The following DMD variants were observed in gnomAD, a reference collection of about 807,000 sequenced individuals.
The protein encoded by DMD is mutant dystrophin.
Under a neutral mutation model 330.1 loss-of-function variants are expected in DMD, and 63 were observed. The ratio of observed to expected loss-of-function variants is 0.19; its 90% CI spans 0.16 to 0.24. The LOEUF (loss-of-function observed/expected upper bound fraction) is 0.24, where lower values mean the gene tolerates loss of function less well. Ranked by LOEUF, DMD falls within the 10% of genes least tolerant of loss-of-function variation. The pLI is 1.00. For missense variants in DMD, 3,344 were observed against 2,684.1 expected (o/e 1.25, Z -5.43); for synonymous variants, 1,223 against 959.8 (o/e 1.27, Z -5.07).
At chrX:33,030,373 A>G (rs1353022816) in intron 1 of DMD, among the ~76,000 whole-genome samples, 2 of 112,118 alleles carry the variant, frequency 1.8e-5, no homozygotes, top group African/African-American at 6.5e-5. Context: ...CACATAAATT[A>G]TACCTCCTCA....
intron 45 of DMD, among the ~76,000 whole-genome samples, chrX:31,940,749 C>A (rs910161560): frequency 5.2e-4 from 57 of 109,181 alleles, no homozygotes; most frequent in Non-Finnish European, 1.0e-3. Context: ...AGGGAGGAGG[C>A]CATGCAAATA....
chrX:31,571,413 C>CTATTA (rs1569552103), intron 55 of DMD, among the ~76,000 whole-genome samples: 1 of 108,801 alleles, frequency 9.2e-6, no homozygotes, highest in Non-Finnish European at 1.9e-5. Flanking sequence ...TATTAATCTT[C>CTATTA]TAACATTACC....
At chrX:32,703,154 T>C (rs1262302981) in intron 7 of DMD, among the ~76,000 whole-genome samples, 1 of 111,473 alleles carries the variant, frequency 9.0e-6, no homozygotes, top group Non-Finnish European at 1.9e-5. Flanking sequence ...TCTAAAGCTA[T>C]CATCATCCTA....
intron 52 of DMD, among the ~76,000 whole-genome samples, chrX:31,689,293 G>A (rs1471813140): frequency 1.8e-5 from 2 of 112,062 alleles, no homozygotes; most frequent in African/African-American, 6.5e-5. Context: ...AAATCAATGT[G>A]CAAAAATCAC....
chrX:32,116,733 G>A (rs1216714513), intron 44 of DMD, among the ~76,000 whole-genome samples: 1 of 112,368 alleles, frequency 8.9e-6, no homozygotes, highest in Non-Finnish European at 1.9e-5. Flanking sequence ...CACCAGAGAT[G>A]AGAAGTTGTC....
At chrX:31,581,874 C>A (rs752580500) in intron 55 of DMD, among the ~76,000 whole-genome samples, 2 of 111,619 alleles carry the variant, frequency 1.8e-5, no homozygotes, top group East Asian at 2.8e-4. Flanking sequence ...AAATTTCTTT[C>A]GACTTTGCTG....
rs777747788 is a variant in DMD at position 31,849,398 on chromosome X, A to G, written c.7099-12579T>C. Among the ~76,000 whole-genome samples the G allele has an allele frequency of 2.7e-5, 3 of 110,983 alleles. No homozygotes were observed. In the South Asian group the frequency reaches 1.1e-3, roughly 42 times the overall value. On this transcript the variant is annotated intron_variant, in intron 48 of 78. Transcript: ENST00000357033. Reference sequence around the variant, plus strand: ...ATGGAGCACAGAGCAGGAACTGATCACTTTTGTGTTTGATAGACAAGAAGG... The same window carrying G: ...ATGGAGCACAGAGCAGGAACTGATCGCTTTTGTGTTTGATAGACAAGAAGG...
chrX:32,484,881 G>T (rs371406721), intron 21 of DMD, 38 bp downstream of exon 21: 263 of 1,181,153 alleles, frequency 2.2e-4, no homozygotes, highest in Non-Finnish European at 2.9e-4. Flanking sequence ...AACCATTTTG[G>T]AAAATGTCAA....
chrX:32,068,393 T>TTTTTTTTTAA (rs2096274604), intron 44 of DMD, among the ~76,000 whole-genome samples: 1 of 95,200 alleles, frequency 1.1e-5, no homozygotes, highest in African/African-American at 4.3e-5. Context: ...TTTTTTTTTT[T>TTTTTTTTTAA]TTTGCAATTG....
intron 29 of DMD, among the ~76,000 whole-genome samples, chrX:32,434,002 G>T (rs1431526414): frequency 8.9e-6 from 1 of 111,825 alleles, no homozygotes; most frequent in Non-Finnish European, 1.9e-5. Flanking sequence ...AAGAATGAAA[G>T]ATGCCTTTTG....
chrX:32,990,187 C>A (rs1473650382), intron 2 of DMD, among the ~76,000 whole-genome samples: 1 of 111,716 alleles, frequency 9.0e-6, no homozygotes, highest in African/African-American at 3.2e-5. Flanking sequence ...TTGCCTATAA[C>A]ATAAACTTAA....
chrX:32,520,432 T>A (rs1438267640), intron 17 of DMD, among the ~76,000 whole-genome samples: 1 of 112,036 alleles, frequency 8.9e-6, no homozygotes, highest in African/African-American at 3.2e-5. Flanking sequence ...ACATAAAATT[T>A]CCTGTGTCTC....
intron 74 of DMD, among the ~76,000 whole-genome samples, chrX:31,162,356 TAAAAAAAAA>T (rs57908991): frequency 4.0e-5 from 2 of 50,621 alleles, no homozygotes; most frequent in East Asian, 6.7e-4. Context: ...ATGAAAAATC[TAAAAAAAAA>T]AAAAAAAAAA....
intron 43 of DMD, among the ~76,000 whole-genome samples, chrX:32,275,218 A>G (rs767720755): frequency 4.5e-4 from 50 of 112,228 alleles, no homozygotes; most frequent in African/African-American, 1.6e-3. Flanking sequence ...AAACTTACAT[A>G]TGGCAAAAAA....
intron 67 of DMD, among the ~76,000 whole-genome samples, chrX:31,194,037 C>T (rs1399902110): frequency 9.0e-6 from 1 of 110,509 alleles, no homozygotes; most frequent in African/African-American, 3.3e-5. Flanking sequence ...AAAAATCAGC[C>T]GGGTGTGGTG....
chrX:31,618,979 G>A (rs2078375572), intron 55 of DMD, among the ~76,000 whole-genome samples: 1 of 111,296 alleles, frequency 9.0e-6, no homozygotes, highest in African/African-American at 3.3e-5. Flanking sequence ...CTTAGTAGAA[G>A]TTACCCAGCC....
At chrX:32,959,884 A>C (rs2091807154) in intron 2 of DMD, among the ~76,000 whole-genome samples, 1 of 111,823 alleles carries the variant, frequency 8.9e-6, no homozygotes, top group Non-Finnish European at 1.9e-5. Flanking sequence ...GGAAATAACT[A>C]TGACTGTGAA....
At chrX:32,865,705 T>C (rs151307288) in intron 2 of DMD, among the ~76,000 whole-genome samples, 799 of 112,749 alleles carry the variant, frequency 7.1e-3, no homozygotes, top group Non-Finnish European at 0.011. Flanking sequence ...ATGTTTTGCA[T>C]TTTTTAATTC....
chrX:32,463,034 T>C (rs1236231575), intron 25 of DMD, among the ~76,000 whole-genome samples: 1 of 112,087 alleles, frequency 8.9e-6, no homozygotes, highest in Non-Finnish European at 1.9e-5. Context: ...GTTATAATTA[T>C]TTATCCTATT....
Sources: allele counts gnomAD v4.1 joint callset (sites outside exome capture counted in the v4.1 genomes callset), GRCh38; gene constraint gnomAD v4.1.1; transcripts MANE v1.5; gene names NCBI Gene and HGNC (gene_info 2026-07-23, HGNC 2026-07-21).